The following FGD5 variants were observed in gnomAD, a reference collection of about 807,000 sequenced individuals.
FGD5 encodes the protein FYVE, RhoGEF and PH domain-containing protein 5.
FGD5 carries 28 observed loss-of-function variants against 133.4 expected under a neutral mutation model. The ratio of observed to expected loss-of-function variants is 0.21; its 90% CI spans 0.16 to 0.29. The LOEUF is 0.29. Ranked by LOEUF, FGD5 falls within the 10% of genes least tolerant of loss-of-function variation. FGD5 has a pLI of 1.00. For missense variants in FGD5, 1,858 were observed against 1,895.2 expected, an observed-to-expected ratio of 0.98 and a Z score of 0.36; for synonymous variants, 810 against 776.5, an observed-to-expected ratio of 1.04 and a Z score of -0.72.
intron 1 of FGD5, among the ~76,000 whole-genome samples, chr3:14,862,093 G>A (rs755372064): frequency 3.9e-5 from 6 of 152,132 alleles, no homozygotes; most frequent in Admixed American, 6.5e-5. Context: ...TAAGCCTGAC[G>A]CTCACATAGT....
chr3:14,870,225 G>C (rs981836666), intron 2 of FGD5, among the ~76,000 whole-genome samples: 4 of 152,216 alleles, frequency 2.6e-5, no homozygotes, highest in African/African-American at 7.2e-5. Context: ...GGGCAGGAGG[G>C]CGGAGAGAGT....
chr3:14,834,855 C>G (rs1416361047), intron 1 of FGD5, among the ~76,000 whole-genome samples: 1 of 152,098 alleles, frequency 6.6e-6, no homozygotes, highest in African/African-American at 2.4e-5. Flanking sequence ...TTTACAAGAA[C>G]GGAAATGAAG....
At chr3:14,899,247 T>C (rs1037033244) in intron 7 of FGD5, among the ~76,000 whole-genome samples, 2 of 152,150 alleles carry the variant, frequency 1.3e-5, no homozygotes, top group Admixed American at 1.3e-4. Flanking sequence ...TTCTGTGGTA[T>C]ACTCTCTCCC....
chr3:14,912,150 C>T (rs1480306945), intron 11 of FGD5, among the ~76,000 whole-genome samples: 1 of 152,132 alleles, frequency 6.6e-6, no homozygotes, highest in Admixed American at 6.6e-5. Flanking sequence ...CGTAGAGGGG[C>T]CACTTGAGGA....
upstream of FGD5, among the ~76,000 whole-genome samples, chr3:14,817,273 G>A (rs1227644637): frequency 6.6e-6 from 1 of 152,006 alleles, no homozygotes; most frequent in East Asian, 1.9e-4. Context: ...TTGGCTTATT[G>A]CAACCTCTGT....
intron 11 of FGD5, among the ~76,000 whole-genome samples, chr3:14,913,319 C>G (rs2038488304): frequency 6.6e-6 from 1 of 152,202 alleles, no homozygotes; most frequent in Admixed American, 6.5e-5. Context: ...GACAGTTGTT[C>G]CATGGGACAC....
At chr3:14,859,155 A>G (rs533521779) in intron 1 of FGD5, among the ~76,000 whole-genome samples, 1 of 152,334 alleles carries the variant, frequency 6.6e-6, no homozygotes, top group African/African-American at 2.4e-5. Flanking sequence ...CTATACATTT[A>G]TGGGGTACAA....
chr3:14,865,224 C>A (rs985255729), intron 2 of FGD5, among the ~76,000 whole-genome samples: 1 of 147,246 alleles, frequency 6.8e-6, no homozygotes, highest in African/African-American at 2.5e-5. Flanking sequence ...GCACCTTTTT[C>A]GGCACCTGCC....
intron 9 of FGD5, among the ~76,000 whole-genome samples, chr3:14,904,099 C>CA (rs2038292997): frequency 5.9e-5 from 9 of 152,292 alleles, no homozygotes; most frequent in Admixed American, 4.6e-4. Flanking sequence ...CAGGATTTAC[C>CA]ACTGTTGATG....
rs147063569 is a variant in FGD5 at position 14,915,556 on chromosome 3, T to C, written c.3406-1693T>C. Among the ~76,000 whole-genome samples the C allele has an allele frequency of 8.2e-3, 1,255 of 152,250 alleles. 7 individuals carry two copies. Among genetic ancestry groups the C allele is most frequent in the Admixed American group, 0.012 (188 of 15,298 alleles). Reference sequence around the variant, plus strand: ...TTCACTTTGGTTCATGTTGGCACCATGTGTAGAGGGCTCTCTCTGGTTCAT... The same window carrying C: ...TTCACTTTGGTTCATGTTGGCACCACGTGTAGAGGGCTCTCTCTGGTTCAT... On this transcript the variant is annotated intron_variant, in intron 11 of 19. Coordinates refer to ENST00000285046, the MANE Select transcript of FGD5 (RefSeq NM_152536.4).
chr3:14,922,452 C>A lies in FGD5; in HGVS notation c.3711C>A (p.Pro1237=). Residue 1237 remains proline (P), a synonymous_variant, in exon 15 of 20, where the codon CCC becomes CCA. Transcript: ENST00000285046. This position sits in a 1 kb window ranked among gnomAD's most constrained non-coding sequence, Gnocchi z 4.1. The part of the protein sequence containing the change: ...RLGVSLGERP[P]TLVPVTHVMM... ...GGGTTAGCCTTGGGGAGAGGCCCCC[C>A]ACCCTGGTGCCTGTCACACACGTCA... 6.4e-7 allele frequency: 1 copy of A among 1,571,602 alleles called. No individual in the cohort carries two copies. The highest frequency in any genetic ancestry group is 8.6e-7 in the Non-Finnish European group (1 of 1,158,656).
intron 1 of FGD5, among the ~76,000 whole-genome samples, chr3:14,861,036 C>G (rs2037388538): frequency 6.6e-6 from 1 of 152,130 alleles, no homozygotes; most frequent in African/African-American, 2.4e-5. Context: ...TATGACCTCA[C>G]AGGTATTATC....
chr3:14,929,077 T>G (rs1432040337), intron 18 of FGD5, among the ~76,000 whole-genome samples: 1 of 152,172 alleles, frequency 6.6e-6, no homozygotes, highest in Admixed American at 6.5e-5. Context: ...CACCATAGAT[T>G]AGTTTTGCCT....
intron 1 of FGD5, among the ~76,000 whole-genome samples, chr3:14,838,603 T>C (rs1050291256): frequency 3.9e-5 from 6 of 152,214 alleles, no homozygotes; most frequent in African/African-American, 1.4e-4. Context: ...ACAAATCTTA[T>C]TTGAATCTTG....
At chr3:14,866,930 G>T (rs1354937070) in intron 2 of FGD5, among the ~76,000 whole-genome samples, 1 of 152,210 alleles carries the variant, frequency 6.6e-6, no homozygotes, top group African/African-American at 2.4e-5. Flanking sequence ...AGAGCAGGGA[G>T]GGGGTGGGTG....
chr3:14,839,725 G>T (rs572300444), intron 1 of FGD5, among the ~76,000 whole-genome samples: 3 of 152,284 alleles, frequency 2.0e-5, no homozygotes, highest in Admixed American at 6.5e-5. Context: ...GAGGTCAGGA[G>T]ATCGAGACCA....
chr3:14,919,612 C>T (rs1167180337), intron 13 of FGD5, among the ~76,000 whole-genome samples: 4 of 152,080 alleles, frequency 2.6e-5, no homozygotes, highest in African/African-American at 7.2e-5. Context: ...AGCAAGACTC[C>T]GTCTCAAAAC....
At chr3:14,835,791 A>G (rs1253317160) in intron 1 of FGD5, among the ~76,000 whole-genome samples, 2 of 152,156 alleles carry the variant, frequency 1.3e-5, no homozygotes, top group African/African-American at 4.8e-5. Context: ...TAAAATGGAG[A>G]TAACAGGTGG....
chr3:14,852,184 A>C (rs1440853990), intron 1 of FGD5, among the ~76,000 whole-genome samples: 1 of 152,270 alleles, frequency 6.6e-6, no homozygotes, highest in Non-Finnish European at 1.5e-5. Flanking sequence ...AGCCAAAAAG[A>C]AACAATTCAA....
Sources: gnomAD v4.1 joint callset for allele counts (sites outside exome capture counted in the v4.1 genomes callset) on GRCh38, gnomAD v4.1.1 for gene constraint, Gnocchi (gnomAD v3.1) non-coding constraint, MANE v1.5 for transcripts, NCBI Gene and HGNC (gene_info 2026-07-23, HGNC 2026-07-21) for gene names.